AVEN: variants seen among roughly 807,000 people sequenced by gnomAD.
AVEN encodes cell death regulator Aven.
In AVEN, 41 loss-of-function variants were observed where a neutral mutation model predicts 38.1. The ratio of observed to expected loss-of-function variants is 1.08; its 90% CI spans 0.84 to 1.40. The LOEUF is 1.40. Ranked by LOEUF, AVEN falls within the 40% of genes most tolerant of loss-of-function variation. The pLI is 0.00. For missense variants in AVEN, 605 were observed against 438.8 expected, an observed-to-expected ratio of 1.38 and a Z score of -3.38; for synonymous variants, 206 against 171.8, an observed-to-expected ratio of 1.20 and a Z score of -1.56.
chr15:33,954,061 T>C (rs1597269180), intron 2 of AVEN, among the ~76,000 whole-genome samples: 2 of 152,222 alleles, frequency 1.3e-5, no homozygotes, highest in East Asian at 3.8e-4. Context: ...ATGCTCATCA[T>C]CACTGGTCAT....
At chr15:33,988,931 C>A (rs1246179183) in intron 2 of AVEN, among the ~76,000 whole-genome samples, 1 of 152,186 alleles carries the variant, frequency 6.6e-6, no homozygotes, top group African/African-American at 2.4e-5. Context: ...TAATCTAAAT[C>A]CCCTGTATTT....
chr15:33,945,209 C>T (rs1894462877), intron 2 of AVEN, among the ~76,000 whole-genome samples: 4 of 152,156 alleles, frequency 2.6e-5, no homozygotes, highest in Admixed American at 2.6e-4. Context: ...CCACAAGAGA[C>T]ATTTCGCTTA....
At chr15:33,863,572 T>C (rs901148947), downstream of AVEN, among the ~76,000 whole-genome samples, 15 of 152,198 alleles carry the variant, frequency 9.9e-5, no homozygotes, top group Non-Finnish European at 1.8e-4. Context: ...GGGATACTTA[T>C]GTGTCACAGA....
chr15:33,861,391 C>G (rs897148652), downstream of AVEN, among the ~76,000 whole-genome samples: 2 of 152,128 alleles, frequency 1.3e-5, no homozygotes, highest in South Asian at 2.1e-4. Flanking sequence ...AGGCCAGCCC[C>G]TCAACCTGTG....
intron 2 of AVEN, among the ~76,000 whole-genome samples, chr15:33,924,215 G>A (rs1893523718): frequency 6.6e-6 from 1 of 151,722 alleles, no homozygotes; most frequent in Non-Finnish European, 1.5e-5. Flanking sequence ...CAGAGGACTA[G>A]GGGTACGGTA....
intron 2 of AVEN, among the ~76,000 whole-genome samples, chr15:33,903,344 T>A (rs1892563530): frequency 6.6e-6 from 1 of 152,314 alleles, no homozygotes; most frequent in South Asian, 2.1e-4. Flanking sequence ...CAACAGCAGG[T>A]CTTCAGTCAG....
intron 2 of AVEN, among the ~76,000 whole-genome samples, chr15:34,000,676 G>C (rs1897104105): frequency 7.2e-5 from 11 of 152,158 alleles, no homozygotes. Context: ...GAATGAAGTT[G>C]ACCTCTCGAA....
chr15:34,033,988 T>C (rs1038174967), intron 1 of AVEN, among the ~76,000 whole-genome samples: 7 of 152,108 alleles, frequency 4.6e-5, no homozygotes, highest in Non-Finnish European at 8.8e-5. Flanking sequence ...GGTTTCACCA[T>C]TTTGGCCAGG....
chr15:33,852,224 C>G, the AVEN span: 1 of 152,120 alleles, frequency 6.6e-6, no homozygotes, highest in African/African-American at 2.4e-5. Context: ...GACTCCTAGG[C>G]TGCAATCCAG....
chr15:33,872,936 C>A (rs947049246), intron 3 of AVEN, among the ~76,000 whole-genome samples: 1 of 152,010 alleles, frequency 6.6e-6, no homozygotes, highest in African/African-American at 2.4e-5. Context: ...TGTCCCTTCA[C>A]CCTGCGTATC....
intron 1 of AVEN, among the ~76,000 whole-genome samples, chr15:34,012,009 G>T (rs1897658554): frequency 6.6e-6 from 1 of 152,162 alleles, no homozygotes; most frequent in Admixed American, 6.5e-5. Flanking sequence ...AATGGCAATA[G>T]AATCAGTTTC....
At chr15:34,013,994 C>T (rs1413375596) in intron 1 of AVEN, among the ~76,000 whole-genome samples, 1 of 152,098 alleles carries the variant, frequency 6.6e-6, no homozygotes, top group East Asian at 1.9e-4. Flanking sequence ...TAGCAAAGAA[C>T]GTGCTTCTAA....
At chr15:34,072,938 C>T (rs1024613339) in intron 1 of AVEN, among the ~76,000 whole-genome samples, 3 of 151,958 alleles carry the variant, frequency 2.0e-5, no homozygotes, top group Admixed American at 6.6e-5. Context: ...CGTGAGCCAC[C>T]GCACCCAGCC....
At chr15:34,043,057 C>T (rs546088340), upstream of AVEN, among the ~76,000 whole-genome samples, 7 of 152,072 alleles carry the variant, frequency 4.6e-5, no homozygotes, top group African/African-American at 1.7e-4. Context: ...ACCATCCTGG[C>T]TAACACAGTG....
In AVEN at chr15:34,063,507, C is replaced by A; in HGVS notation, n.1127-75G>T. 1 of 1,613,734 alleles carries A rather than the reference C, an allele frequency of 6.2e-7. No homozygotes were observed. Among genetic ancestry groups the A allele is most frequent in the Non-Finnish European group, 8.5e-7 (1 of 1,180,036 alleles). Reference sequence around the variant, plus strand: ...CTGTCCTCGACCCACCCTGGCCCAGCGGGAAAGGAACCAGGCCTCCTGGTC... The same window carrying A: ...CTGTCCTCGACCCACCCTGGCCCAGAGGGAAAGGAACCAGGCCTCCTGGTC... On this transcript the variant is annotated intron_variant and non_coding_transcript_variant, in intron 4 of 11. Transcript: ENST00000675287. The surrounding 1 kb of genome is among the most constrained non-coding windows in gnomAD (Gnocchi z 4.1).
At chr15:33,854,195 C>A (rs373695475), downstream of AVEN, among the ~76,000 whole-genome samples, 362 of 137,842 alleles carry the variant, frequency 2.6e-3, no homozygotes, top group Admixed American at 3.2e-3. Context: ...GACTCCGTTT[C>A]AAAAAAAAAA....
At chr15:33,991,070 C>T (rs536316552) in intron 2 of AVEN, 64 of 152,246 alleles carry the variant, frequency 4.2e-4, no homozygotes, top group Admixed American at 1.3e-3. Flanking sequence ...ATGGATGCAA[C>T]TCCTGATGAC....
chr15:33,854,496 G>A (rs369733746), downstream of AVEN: 3,286 of 1,465,930 alleles, frequency 2.2e-3, 100 homozygotes, highest in South Asian at 0.039. Flanking sequence ...CCAGTTCAGG[G>A]ATGCCACAGA....
At chr15:33,998,025 C>T (rs1284783558) in intron 2 of AVEN, among the ~76,000 whole-genome samples, 4 of 152,164 alleles carry the variant, frequency 2.6e-5, no homozygotes, top group African/African-American at 9.7e-5. Flanking sequence ...TCTCTCCTTC[C>T]ACTTCCAGTA....
Sources: allele counts gnomAD v4.1 joint callset (sites outside exome capture counted in the v4.1 genomes callset), GRCh38; gene constraint gnomAD v4.1.1; non-coding constraint Gnocchi (gnomAD v3.1); transcripts MANE v1.5; gene names NCBI Gene and HGNC (gene_info 2026-07-23, HGNC 2026-07-21).